Variants in GRAMD2B observed in about 807,000 individuals in gnomAD.
GRAMD2B encodes the protein GRAM domain containing 2B.
GRAMD2B carries 41 observed loss-of-function variants against 59.2 expected under a neutral mutation model. That is an observed-to-expected ratio of 0.69 (90% CI 0.54 to 0.90). GRAMD2B has a LOEUF of 0.90. Among genes scored for constraint, GRAMD2B ranks in the 40% least tolerant of loss-of-function variants. The probability of loss-of-function intolerance (pLI) is 0.00; values close to 1 mark genes in which losing one functional copy is unlikely to be tolerated. For synonymous variants in GRAMD2B, 161 were observed against 182.7 expected (o/e 0.88, Z 0.96); for missense variants, 424 against 500.5 (o/e 0.85, Z 1.46).
At chr5:126,405,502 C>T (rs1177831096) in intron 1 of GRAMD2B, among the ~76,000 whole-genome samples, 1 of 151,874 alleles carries the variant, frequency 6.6e-6, no homozygotes, top group African/African-American at 2.4e-5. Flanking sequence ...AGGCACAGTG[C>T]CTGGCACAGA....
At chr5:126,476,551 T>C (rs1770668862) in intron 5 of GRAMD2B, among the ~76,000 whole-genome samples, 1 of 152,226 alleles carries the variant, frequency 6.6e-6, no homozygotes, top group Non-Finnish European at 1.5e-5. Context: ...GATACATTCT[T>C]ATAGCACATT....
intron 1 of GRAMD2B, among the ~76,000 whole-genome samples, chr5:126,395,637 G>A (rs1034270906): frequency 7.2e-5 from 11 of 152,090 alleles, no homozygotes; most frequent in Non-Finnish European, 2.9e-5. Context: ...AGTAAACTCT[G>A]TATTAATCAA....
chr5:126,462,180 G>A (rs1192439640), intron 1 of GRAMD2B, among the ~76,000 whole-genome samples: 1 of 152,158 alleles, frequency 6.6e-6, no homozygotes, highest in Non-Finnish European at 1.5e-5. Flanking sequence ...GTCCGTAACA[G>A]GGCTTTGTCT....
Position 126,423,483 on chromosome 5 carries a change from G to C in GRAMD2B, c.-124G>C, listed in dbSNP as rs372545015. ...GCGGCCCGGCCTGGATGCGCTGGGC[G>C]GAGGGTGCAGGGGAGGGCACGGCGC... On this transcript the variant is annotated 5_prime_UTR_variant, in exon 1 of 14. Transcript: ENST00000285689. 33 of 1,460,398 alleles carry C rather than the reference G, an allele frequency of 2.3e-5. No homozygotes were observed. The highest frequency in any genetic ancestry group is 2.2e-4 in the South Asian group (16 of 71,342). The allele number at this position is 1,460,398 out of a possible 1,614,324, so 90.5% of individuals were successfully genotyped here. A position where few individuals can be genotyped will look rare whatever the true frequency, so the allele number is the denominator to read the frequency against.
chr5:126,418,686 T>G (rs558363315), upstream of GRAMD2B, among the ~76,000 whole-genome samples: 1 of 152,226 alleles, frequency 6.6e-6, no homozygotes, highest in African/African-American at 2.4e-5. Flanking sequence ...GTTATATTCA[T>G]TGGGAACCTT....
chr5:126,392,811 G>T (rs374992837), intron 1 of GRAMD2B, among the ~76,000 whole-genome samples: 29 of 152,246 alleles, frequency 1.9e-4, no homozygotes, highest in African/African-American at 6.0e-4. Context: ...AAGGAGCACT[G>T]ACCCTAGATC....
At chr5:126,385,600 C>T (rs2149710182) in intron 1 of GRAMD2B, among the ~76,000 whole-genome samples, 1 of 152,238 alleles carries the variant, frequency 6.6e-6, no homozygotes, top group Non-Finnish European at 1.5e-5. Context: ...TTCTCTGTGC[C>T]GGAAATAACA....
chr5:126,426,884 C>T (rs536861502), intron 1 of GRAMD2B, among the ~76,000 whole-genome samples: 99 of 152,316 alleles, frequency 6.5e-4, no homozygotes, highest in African/African-American at 2.4e-3. Context: ...CTGATACACT[C>T]ATCACCGAAC....
intron 13 of GRAMD2B, among the ~76,000 whole-genome samples, chr5:126,491,835 G>A (rs1157040931): frequency 6.6e-6 from 1 of 151,990 alleles, no homozygotes; most frequent in Non-Finnish European, 1.5e-5. Context: ...CCAGGTTCAA[G>A]CAATTCTCCT....
intron 1 of GRAMD2B, among the ~76,000 whole-genome samples, chr5:126,377,226 G>A (rs566682130): frequency 3.2e-4 from 48 of 150,130 alleles, no homozygotes; most frequent in Non-Finnish European, 6.5e-4. Context: ...TTTAAGCTCT[G>A]CGTAACTTCC....
At chr5:126,461,692 C>T (rs142177830) in intron 1 of GRAMD2B, among the ~76,000 whole-genome samples, 145 of 152,156 alleles carry the variant, frequency 9.5e-4, no homozygotes, top group Middle Eastern at 6.8e-3. Flanking sequence ...CCCAGCTACA[C>T]GGGAGGCTGA....
At chr5:126,388,543 T>C (rs982674280) in intron 1 of GRAMD2B, among the ~76,000 whole-genome samples, 3 of 152,008 alleles carry the variant, frequency 2.0e-5, no homozygotes, top group African/African-American at 7.3e-5. Context: ...AAAGGTTTAT[T>C]CCATTGTGGA....
intron 1 of GRAMD2B, among the ~76,000 whole-genome samples, chr5:126,403,865 GAACAAACC>G (rs1758037737): frequency 6.6e-6 from 1 of 151,630 alleles, no homozygotes. Flanking sequence ...AGGCTATCTG[GAACAAACC>G]AACTTATAAA....
chr5:126,383,046 C>T (rs778078357), intron 1 of GRAMD2B, among the ~76,000 whole-genome samples: 9 of 152,166 alleles, frequency 5.9e-5, no homozygotes, highest in South Asian at 2.1e-4. Context: ...TGTTGTGATC[C>T]GTCTTCAGGT....
At chr5:126,455,672 G>T (rs1180712677) in intron 1 of GRAMD2B, among the ~76,000 whole-genome samples, 1 of 152,148 alleles carries the variant, frequency 6.6e-6, no homozygotes, top group African/African-American at 2.4e-5. Context: ...CAATCCAAAG[G>T]ACTGTTTTAT....
intron 1 of GRAMD2B, among the ~76,000 whole-genome samples, chr5:126,425,257 A>T (rs749792329): frequency 6.6e-6 from 1 of 152,226 alleles, no homozygotes; most frequent in Non-Finnish European, 1.5e-5. Flanking sequence ...GGATAAGAAA[A>T]TGTGCTATAT....
chr5:126,382,437 T>A (rs1033685969), intron 1 of GRAMD2B, among the ~76,000 whole-genome samples: 3 of 152,306 alleles, frequency 2.0e-5, no homozygotes, highest in African/African-American at 7.2e-5. Flanking sequence ...CAAAAACTTG[T>A]CTTCACGTTC....
intron 1 of GRAMD2B, among the ~76,000 whole-genome samples, chr5:126,413,591 T>C (rs927400300): frequency 8.5e-5 from 13 of 152,082 alleles, no homozygotes; most frequent in Non-Finnish European, 1.6e-4. Flanking sequence ...ATGGGTGGAA[T>C]GTTCTGTAGA....
intron 1 of GRAMD2B, among the ~76,000 whole-genome samples, chr5:126,378,783 A>T (rs1484486636): frequency 4.6e-5 from 7 of 152,230 alleles, no homozygotes; most frequent in Admixed American, 3.9e-4. Context: ...AAATATTGGT[A>T]GGAAAACTAA....
Sources: allele counts gnomAD v4.1 joint callset (sites outside exome capture counted in the v4.1 genomes callset), GRCh38; gene constraint gnomAD v4.1.1; transcripts MANE v1.5; gene names NCBI Gene and HGNC (gene_info 2026-07-23, HGNC 2026-07-21).